DDAH1: variants seen among roughly 807,000 people sequenced by gnomAD.
The protein encoded by DDAH1 is dimethylarginine dimethylaminohydrolase 1.
Under a neutral mutation model 28.8 loss-of-function variants are expected in DDAH1, and 19 were observed. The ratio of observed to expected loss-of-function variants is 0.66; its 90% CI spans 0.46 to 0.97. DDAH1 has a LOEUF of 0.97. DDAH1 is among the 50% of genes least tolerant of loss of function. The probability of loss-of-function intolerance (pLI) is 0.00; values close to 1 mark genes in which losing one functional copy is unlikely to be tolerated. For missense variants in DDAH1, 326 were observed against 375.9 expected (o/e 0.87, Z 1.10); for synonymous variants, 153 against 154.4 (o/e 0.99, Z 0.07).
At chr1:85,340,911 G>A (rs1648435600) in intron 4 of DDAH1, among the ~76,000 whole-genome samples, 1 of 152,086 alleles carries the variant, frequency 6.6e-6, no homozygotes, top group Admixed American at 6.6e-5. Context: ...ATTGTCTCTT[G>A]ATGGTACTAC....
At chr1:85,387,073 T>G (rs1651305168) in intron 1 of DDAH1, among the ~76,000 whole-genome samples, 1 of 152,168 alleles carries the variant, frequency 6.6e-6, no homozygotes. Flanking sequence ...GGGTCTGTGA[T>G]GGGAAAGGTG....
rs1031866159 is a variant in DDAH1, at chr1:85,358,788, A to G, written c.363T>C (p.Asp121=). The G allele has an allele frequency of 2.5e-6, 4 of 1,612,780 alleles. No homozygotes were observed. The African/African-American group carries it at 4.0e-5, about 16-fold the overall frequency. ...KLQLNIVEMK[D]ENATLDGGDV... ...CTCCGCCATCTAAAGTTGCATTTTC[A>G]TCTTTCATCTCTACTATATTGAGCT... The change falls in exon 2 of 6, where the codon GAT becomes GAC. Residue 121 remains aspartate, a synonymous_variant. Transcript: ENST00000284031.
At chr1:85,512,741 C>T (rs564288217) in intron 1 of DDAH1, among the ~76,000 whole-genome samples, 9 of 152,216 alleles carry the variant, frequency 5.9e-5, no homozygotes, top group African/African-American at 2.2e-4. Flanking sequence ...GAGTGAACTC[C>T]CATTCACAAC....
At chr1:85,336,369 A>C (rs1570391497) in intron 4 of DDAH1, among the ~76,000 whole-genome samples, 1 of 152,184 alleles carries the variant, frequency 6.6e-6, no homozygotes, top group African/African-American at 2.4e-5. Flanking sequence ...TAAAACAAGA[A>C]ATCAGCAATA....
At chr1:85,485,721 C>T (rs1050766284) in intron 2 of DDAH1, among the ~76,000 whole-genome samples, 15 of 152,140 alleles carry the variant, frequency 9.9e-5, no homozygotes, top group African/African-American at 2.2e-4. Flanking sequence ...TATCAATGGA[C>T]GCATTTAAAC....
chr1:85,334,132 A>C (rs1647960177), intron 4 of DDAH1, among the ~76,000 whole-genome samples: 1 of 152,148 alleles, frequency 6.6e-6, no homozygotes, highest in Non-Finnish European at 1.5e-5. Flanking sequence ...CATGATAGTG[A>C]GTGAGTTCTC....
At chr1:85,358,909 C>G (rs1265452899) in intron 1 of DDAH1, 62 bp from the exon 2 acceptor site, 37 of 1,245,546 alleles carry the variant, frequency 3.0e-5, no homozygotes, top group Non-Finnish European at 4.1e-5. Context: ...AAAAAACATC[C>G]AAAACATCTA....
At chr1:85,340,107 AAAAGGGT>A (rs1446475195) in intron 4 of DDAH1, among the ~76,000 whole-genome samples, 1 of 152,184 alleles carries the variant, frequency 6.6e-6, no homozygotes, top group Non-Finnish European at 1.5e-5. Flanking sequence ...AAATAAATGG[AAAAGGGT>A]AAAGGACAGA....
At chr1:85,349,734 T>C (rs997457068) in intron 4 of DDAH1, among the ~76,000 whole-genome samples, 4 of 152,144 alleles carry the variant, frequency 2.6e-5, no homozygotes, top group African/African-American at 9.7e-5. Flanking sequence ...TTTATCCTTA[T>C]TGGGTGTCCA....
At chr1:85,445,108 T>C (rs541174940) in intron 1 of DDAH1, among the ~76,000 whole-genome samples, 1 of 152,182 alleles carries the variant, frequency 6.6e-6, no homozygotes, top group Non-Finnish European at 1.5e-5. Context: ...TGGCAGCTGA[T>C]TAGACTGTGC....
chr1:85,445,862 A>T (rs528103272), intron 1 of DDAH1, among the ~76,000 whole-genome samples: 29 of 152,228 alleles, frequency 1.9e-4, no homozygotes, highest in African/African-American at 7.0e-4. Flanking sequence ...TGGCCTCCCA[A>T]AATACTGGGA....
chr1:85,484,415 G>T (rs1280255046), intron 2 of DDAH1, among the ~76,000 whole-genome samples: 4 of 152,068 alleles, frequency 2.6e-5, no homozygotes, highest in Non-Finnish European at 5.9e-5. Context: ...GTTTTAGGGG[G>T]AAAAATGCTG....
At chr1:85,369,055 CTT>C (rs36109764) in intron 1 of DDAH1, among the ~76,000 whole-genome samples, 1,662 of 84,604 alleles carry the variant, frequency 0.02, 22 homozygotes, top group African/African-American at 0.072. Flanking sequence ...CCAGGGGATT[CTT>C]TTTTTTTTTT....
At chr1:85,338,586 G>A (rs1364965592) in intron 4 of DDAH1, among the ~76,000 whole-genome samples, 3 of 152,204 alleles carry the variant, frequency 2.0e-5, no homozygotes, top group African/African-American at 2.4e-5. Context: ...TTCTCACAGC[G>A]TATGGATTAC....
intron 1 of DDAH1, among the ~76,000 whole-genome samples, chr1:85,555,247 T>C (rs1482822248): frequency 6.6e-6 from 1 of 152,242 alleles, no homozygotes; most frequent in Non-Finnish European, 1.5e-5. Flanking sequence ...ACATATAGAC[T>C]GGTTCTCTGA....
At chr1:85,457,472 C>T (rs1654940430) in intron 1 of DDAH1, among the ~76,000 whole-genome samples, 1 of 152,108 alleles carries the variant, frequency 6.6e-6, no homozygotes, top group Admixed American at 6.6e-5. Context: ...TCCTCAGGGG[C>T]AGTGGAAGTG....
At chr1:85,400,857 T>C (rs1652066861) in intron 1 of DDAH1, among the ~76,000 whole-genome samples, 1 of 152,222 alleles carries the variant, frequency 6.6e-6, no homozygotes, top group African/African-American at 2.4e-5. Context: ...GTAATCATTT[T>C]ATCTTATTCC....
At chr1:85,507,613 A>G (rs1325066711) in intron 1 of DDAH1, among the ~76,000 whole-genome samples, 3 of 152,212 alleles carry the variant, frequency 2.0e-5, no homozygotes, top group African/African-American at 7.2e-5. Context: ...AATTAATATT[A>G]GCTCCTTAAT....
chr1:85,358,634 G>A (rs546803856), intron 2 of DDAH1, 114 bp downstream of exon 2: 32 of 788,808 alleles, frequency 4.1e-5, no homozygotes, highest in East Asian at 2.8e-4. Flanking sequence ...AGGTGACAGC[G>A]AGACTCTGTC....
Sources: gnomAD v4.1 joint callset for allele counts (sites outside exome capture counted in the v4.1 genomes callset) on GRCh38, gnomAD v4.1.1 for gene constraint, MANE v1.5 for transcripts, NCBI Gene and HGNC (gene_info 2026-07-23, HGNC 2026-07-21) for gene names.